Variants in MCTP1 observed in about 807,000 individuals in gnomAD.
The protein encoded by MCTP1 is multiple C2 and transmembrane domain-containing protein 1.
A neutral mutation model predicts 120.6 loss-of-function variants in MCTP1; 69 were observed. That is an observed-to-expected ratio of 0.57 (90% CI 0.47 to 0.70). MCTP1 has a LOEUF of 0.70. Among genes scored for constraint, MCTP1 ranks in the 30% least tolerant of loss-of-function variants. The pLI is 0.00. For synonymous variants in MCTP1, 529 were observed against 493.1 expected (o/e 1.07, Z -0.96); for missense variants, 1,203 against 1,248.8 (o/e 0.96, Z 0.55).
rs182617839 is a variant in MCTP1, at chr5:94,716,035, C to T, written c.2611-1149G>A. 2.7e-4 allele frequency among the ~76,000 whole-genome samples: 41 copies of T among 152,306 alleles called. 1 individual carries two copies. The East Asian group carries it at 6.6e-3, about 24-fold the overall frequency. ...CTACAGTGTGAACACTTGGCCAGGG[C>T]TGGCCTCCCGCCACCTCAGAAACTG... On this transcript the variant is annotated intron_variant, in intron 19 of 22. Coordinates refer to ENST00000515393, the MANE Select transcript of MCTP1 (RefSeq NM_024717.7).
chr5:94,893,129 A>G (rs2153398867), intron 11 of MCTP1, among the ~76,000 whole-genome samples: 1 of 152,344 alleles, frequency 6.6e-6, no homozygotes, highest in South Asian at 2.1e-4. Flanking sequence ...TTTTATTGAA[A>G]AAAGACATGG....
At chr5:95,228,391 G>A (rs1754525641) in intron 1 of MCTP1, among the ~76,000 whole-genome samples, 2 of 151,988 alleles carry the variant, frequency 1.3e-5, no homozygotes, top group African/African-American at 4.8e-5. Context: ...GAGGAAGAAA[G>A]AGAGAAACGT....
At chr5:95,078,432 T>C (rs1439866196) in intron 1 of MCTP1, among the ~76,000 whole-genome samples, 1 of 152,172 alleles carries the variant, frequency 6.6e-6, no homozygotes. Context: ...CCAAAGACTA[T>C]GATCACCTAG....
chr5:94,923,815 G>T, intron 7 of MCTP1, 147 bp downstream of exon 7: 1 of 514,796 alleles, frequency 1.9e-6, no homozygotes, highest in Non-Finnish European at 3.5e-6. Flanking sequence ...TTACCTAGAT[G>T]ACTTAGAAGA....
chr5:95,274,799 A>G (rs1469221795), intron 1 of MCTP1, among the ~76,000 whole-genome samples: 1 of 151,742 alleles, frequency 6.6e-6, no homozygotes, highest in Non-Finnish European at 1.5e-5. Context: ...AATTTTTTGC[A>G]TTTTTAGTAG....
intron 17 of MCTP1, among the ~76,000 whole-genome samples, chr5:94,832,118 T>C (rs887325681): frequency 1.3e-5 from 2 of 152,220 alleles, no homozygotes; most frequent in Admixed American, 6.5e-5. Context: ...ACAGTTTCTG[T>C]GGTATCCTTA....
chr5:94,852,636 T>C (rs1793971420), intron 17 of MCTP1, among the ~76,000 whole-genome samples: 1 of 151,976 alleles, frequency 6.6e-6, no homozygotes, highest in South Asian at 2.1e-4. Flanking sequence ...TAGCAAGGTA[T>C]TGGGAAAATT....
chr5:94,940,264 C>A, intron 4 of MCTP1, 69 bp from the exon 5 acceptor site: 2 of 838,840 alleles, frequency 2.4e-6, no homozygotes, highest in Non-Finnish European at 1.8e-6. Context: ...TTTATTAATG[C>A]TTTATTATTT....
intron 19 of MCTP1, among the ~76,000 whole-genome samples, chr5:94,732,501 T>C (rs1206807741): frequency 6.6e-6 from 1 of 152,200 alleles, no homozygotes; most frequent in Non-Finnish European, 1.5e-5. Flanking sequence ...TTTAAGAAAC[T>C]TTTTAGCTGC....
At chr5:94,723,255 A>G (rs1482629137) in intron 19 of MCTP1, among the ~76,000 whole-genome samples, 1 of 152,160 alleles carries the variant, frequency 6.6e-6, no homozygotes, top group Non-Finnish European at 1.5e-5. Context: ...GAAACACTCT[A>G]TTGAGACACT....
At chr5:94,848,228 A>C (rs920316399) in intron 17 of MCTP1, among the ~76,000 whole-genome samples, 1 of 152,220 alleles carries the variant, frequency 6.6e-6, no homozygotes, top group South Asian at 2.1e-4. Context: ...ATGTCTTGTA[A>C]AAATAAATAT....
intron 1 of MCTP1, among the ~76,000 whole-genome samples, chr5:95,129,473 C>A (rs1477008981): frequency 6.6e-6 from 1 of 152,198 alleles, no homozygotes; most frequent in Non-Finnish European, 1.5e-5. Context: ...GGTTAATTTT[C>A]TGTGTCAACT....
At chr5:95,076,650 TC>T (rs2152288717) in intron 1 of MCTP1, among the ~76,000 whole-genome samples, 1 of 152,068 alleles carries the variant, frequency 6.6e-6, no homozygotes, top group East Asian at 1.9e-4. Context: ...GCGAGGGAAA[TC>T]ACCACCAGAA....
At chr5:95,192,607 T>C (rs1749947357) in intron 1 of MCTP1, among the ~76,000 whole-genome samples, 1 of 152,108 alleles carries the variant, frequency 6.6e-6, no homozygotes, top group Non-Finnish European at 1.5e-5. Context: ...GGAGGTAAGT[T>C]GTTATTTTAC....
At position 94,879,316 on chromosome 5, in the gene MCTP1, C is replaced by G. The variant is rs370289375; in HGVS notation, c.1934-6075G>C. Among the ~76,000 whole-genome samples, 3 of 152,116 alleles carry G rather than the reference C, an allele frequency of 2.0e-5. No individual in the cohort carries two copies. The East Asian group carries it at 5.8e-4, about 29-fold the overall frequency. On this transcript the variant is annotated intron_variant, in intron 12 of 22. Transcript: ENST00000515393. ...GTAAATCAATAGCTATATTTAAATG[C>G]AGGATTAAATTTTCATTATGTAAAT...
chr5:95,068,711 A>G (rs1173452099), intron 1 of MCTP1: 1 of 960,122 alleles, frequency 1.0e-6, no homozygotes, highest in Non-Finnish European at 1.4e-6. Context: ...AATTCGGTCA[A>G]AAAATAAAGC....
At chr5:95,204,722 A>G (rs1005308758) in intron 1 of MCTP1, among the ~76,000 whole-genome samples, 1 of 152,202 alleles carries the variant, frequency 6.6e-6, no homozygotes, top group Admixed American at 6.5e-5. Flanking sequence ...TTTGTAACCA[A>G]TAAGGAAATT....
intron 2 of MCTP1, among the ~76,000 whole-genome samples, chr5:94,967,594 T>C (rs1396249217): frequency 6.6e-6 from 1 of 152,172 alleles, no homozygotes; most frequent in Non-Finnish European, 1.5e-5. Flanking sequence ...AAGAGTAGAT[T>C]GAAGAGTTAA....
chr5:95,202,794 C>G (rs578067764), intron 1 of MCTP1, among the ~76,000 whole-genome samples: 1 of 152,030 alleles, frequency 6.6e-6, no homozygotes, highest in African/African-American at 2.4e-5. Context: ...GTGGTGTAAT[C>G]TCAGCTCACT....
Sources: gnomAD v4.1 joint callset for allele counts (sites outside exome capture counted in the v4.1 genomes callset) on GRCh38, gnomAD v4.1.1 for gene constraint, MANE v1.5 for transcripts, NCBI Gene and HGNC (gene_info 2026-07-23, HGNC 2026-07-21) for gene names.